Variants in EIPR1 observed in about 807,000 individuals in gnomAD.
EIPR1 encodes the protein EARP and GARP complex-interacting protein 1.
A neutral mutation model predicts 48.1 loss-of-function variants in EIPR1; 25 were observed. That is an observed-to-expected ratio of 0.52 (90% CI 0.38 to 0.73). The LOEUF is 0.73. EIPR1 is among the 30% of genes least tolerant of loss of function. The pLI is 0.00. For missense variants in EIPR1, 415 were observed against 506.2 expected (o/e 0.82, Z 1.73); for synonymous variants, 204 against 201.9 (o/e 1.01, Z -0.09).
intron 3 of EIPR1, among the ~76,000 whole-genome samples, chr2:3,302,145 C>T (rs758564145): frequency 1.6e-4 from 25 of 152,180 alleles, no homozygotes; most frequent in Non-Finnish European, 2.9e-4. Flanking sequence ...GTTCCAGATC[C>T]AGCCACCTGA....
intron 4 of EIPR1, among the ~76,000 whole-genome samples, chr2:3,246,827 G>GATC (rs1666819457): frequency 1.3e-5 from 1 of 77,164 alleles, no homozygotes; most frequent in African/African-American, 5.4e-5. Flanking sequence ...GAGGGAGGAA[G>GATC]GGAGGGAAGG....
intron 4 of EIPR1, among the ~76,000 whole-genome samples, chr2:3,229,805 C>T (rs998379623): frequency 6.6e-6 from 1 of 152,210 alleles, no homozygotes; most frequent in Non-Finnish European, 1.5e-5. Flanking sequence ...ACGGTTTATC[C>T]TTCTGTTTCT....
At chr2:3,277,760 G>C (rs566956532) in intron 3 of EIPR1, among the ~76,000 whole-genome samples, 1 of 152,232 alleles carries the variant, frequency 6.6e-6, no homozygotes, top group African/African-American at 2.4e-5. Context: ...TACTTGTTGC[G>C]CAGCCTCGGC....
rs147044632 is a variant in EIPR1, at chr2:3,192,312, C to T, written c.989+102G>A. 4.1e-5 allele frequency: 55 copies of T among 1,350,962 alleles called. No individual in the cohort carries two copies. In the African/African-American group the frequency reaches 6.9e-4, roughly 17 times the overall value. The allele number at this position is 1,350,962 out of a possible 1,614,324, so 83.7% of individuals were successfully genotyped here. On this transcript the variant is annotated intron_variant, in intron 8 of 8. Coordinates refer to ENST00000382125, the MANE Select transcript of EIPR1 (RefSeq NM_003310.5). ...GGGTAAGGAGAGTGTCCCCCAAATG[C>T]ACTCCTGGAAACTTTCTACATACAC...
At chr2:3,308,864 G>C (rs2103305643) in intron 3 of EIPR1, among the ~76,000 whole-genome samples, 1 of 152,282 alleles carries the variant, frequency 6.6e-6, no homozygotes. Context: ...TCAAAGAATT[G>C]TCAACCTTGA....
At chr2:3,325,659 C>T (rs116575102) in intron 3 of EIPR1, among the ~76,000 whole-genome samples, 1,708 of 152,342 alleles carry the variant, frequency 0.011, 41 homozygotes, top group African/African-American at 0.039. Flanking sequence ...CACACTGCTA[C>T]GTGTTTGCAT....
rs1669161030 is a variant in EIPR1, at chr2:3,312,553, C to T, written c.259+25464G>A. On this transcript the variant is annotated intron_variant, in intron 3 of 8. Transcript: ENST00000382125. The surrounding 1 kb of genome is among the most constrained non-coding windows in gnomAD (Gnocchi z 5.5). ...GCTCCCTCCCACCACTCAGCACCTGCTCATCATTGTCAGCATGTTTCTGGT... is the reference window on the plus strand; with the variant it reads ...GCTCCCTCCCACCACTCAGCACCTGTTCATCATTGTCAGCATGTTTCTGGT... Among the ~76,000 whole-genome samples, 1 of 152,220 alleles carries T rather than the reference C, an allele frequency of 6.6e-6. No homozygotes were observed. The highest frequency in any genetic ancestry group is 2.4e-5 in the African/African-American group (1 of 41,458).
chr2:3,300,187 C>A (rs1454501817), intron 3 of EIPR1, among the ~76,000 whole-genome samples: 1 of 152,198 alleles, frequency 6.6e-6, no homozygotes, highest in East Asian at 1.9e-4. Flanking sequence ...CCAGTTTTCA[C>A]AATTGCAAAA....
At chr2:3,193,712 T>C (rs1664692265) in intron 7 of EIPR1, among the ~76,000 whole-genome samples, 1 of 152,240 alleles carries the variant, frequency 6.6e-6, no homozygotes. Context: ...TTTCTGGCAT[T>C]ACAAATAATG....
At chr2:3,208,671 TAACTC>T in intron 5 of EIPR1, 1 of 1,550,608 alleles carries the variant, frequency 6.4e-7, no homozygotes, top group Non-Finnish European at 8.7e-7. Context: ...CTTGCAGTCA[TAACTC>T]AACCCCAATT....
chr2:3,363,698 T>TATAAG (rs549808567), intron 1 of EIPR1, among the ~76,000 whole-genome samples: 162 of 147,872 alleles, frequency 1.1e-3, no homozygotes, highest in African/African-American at 3.7e-3. Flanking sequence ...AACATAAATA[T>TATAAG]ATAAGAAAAG....
intron 4 of EIPR1, among the ~76,000 whole-genome samples, chr2:3,256,562 G>T (rs987929717): frequency 1.3e-5 from 2 of 152,168 alleles, no homozygotes; most frequent in Non-Finnish European, 2.9e-5. Flanking sequence ...CTGTACAAAC[G>T]ATTTGTCTCT....
At chr2:3,327,836 A>G (rs1255619847) in intron 3 of EIPR1, among the ~76,000 whole-genome samples, 3 of 151,812 alleles carry the variant, frequency 2.0e-5, no homozygotes, top group African/African-American at 7.3e-5. Flanking sequence ...TTTTGTTGTT[A>G]AACTCCACAG....
At chr2:3,291,120 G>A (rs1222009047) in intron 3 of EIPR1, among the ~76,000 whole-genome samples, 1 of 152,232 alleles carries the variant, frequency 6.6e-6, no homozygotes, top group Non-Finnish European at 1.5e-5. Flanking sequence ...GAGGCTGGAT[G>A]TTAGCCCCAC....
chr2:3,324,825 G>A (rs1020074406), intron 3 of EIPR1, among the ~76,000 whole-genome samples: 9 of 147,600 alleles, frequency 6.1e-5, no homozygotes, highest in Non-Finnish European at 1.2e-4. Context: ...CCGCTGCCGC[G>A]CCTCCAGCAC....
At chr2:3,270,403 G>A (rs1469134621) in intron 3 of EIPR1, among the ~76,000 whole-genome samples, 3 of 152,158 alleles carry the variant, frequency 2.0e-5, no homozygotes, top group East Asian at 1.9e-4. Flanking sequence ...TTCCTTTTGC[G>A]TCTCCATGCG....
intron 2 of EIPR1, among the ~76,000 whole-genome samples, chr2:3,340,902 G>A (rs974231475): frequency 2.0e-5 from 3 of 151,950 alleles, no homozygotes; most frequent in Admixed American, 6.6e-5. Flanking sequence ...TTGAAGACCA[G>A]CCTGGACAAT....
intron 6 of EIPR1, among the ~76,000 whole-genome samples, chr2:3,195,540 T>C (rs982490564): frequency 6.6e-6 from 1 of 152,214 alleles, no homozygotes; most frequent in African/African-American, 2.4e-5. Flanking sequence ...ATCTTAATAT[T>C]TCTTCCCTAA....
chr2:3,348,398 T>TA (rs1407763503), intron 2 of EIPR1, among the ~76,000 whole-genome samples: 1 of 152,128 alleles, frequency 6.6e-6, no homozygotes, highest in Non-Finnish European at 1.5e-5. Flanking sequence ...GGCACCAATA[T>TA]ACAGGGAAAG....
Sources: allele counts gnomAD v4.1 joint callset (sites outside exome capture counted in the v4.1 genomes callset), GRCh38; gene constraint gnomAD v4.1.1; non-coding constraint Gnocchi (gnomAD v3.1); transcripts MANE v1.5; gene names NCBI Gene and HGNC (gene_info 2026-07-23, HGNC 2026-07-21).